Variants in MTIF2 observed in about 807,000 individuals in gnomAD.
MTIF2 encodes translation initiation factor IF-2, mitochondrial.
MTIF2 carries 71 observed loss-of-function variants against 83.5 expected under a neutral mutation model. That is an observed-to-expected ratio of 0.85 (90% CI 0.70 to 1.04). The LOEUF is 1.04. Among genes scored for constraint, MTIF2 ranks in the 50% least tolerant of loss-of-function variants. The probability of loss-of-function intolerance (pLI) is 0.00; values close to 1 mark genes in which losing one functional copy is unlikely to be tolerated. For missense variants in MTIF2, 957 were observed against 846.5 expected, an observed-to-expected ratio of 1.13 and a Z score of -1.62; for synonymous variants, 319 against 287.1, an observed-to-expected ratio of 1.11 and a Z score of -1.12.
rs1434503200 is a variant in MTIF2 at position 55,254,768 on chromosome 2, T to A, written c.389A>T (p.Asp130Val). Reference sequence around the variant, plus strand: ...GATCCAGACTTCATCTAAATGTGAGTCTGCTTCCAGTGAATCTATGTCAAT... The same window carrying A: ...GATCCAGACTTCATCTAAATGTGAGACTGCTTCCAGTGAATCTATGTCAAT... ...TDIDIDSLEA[D>V]SHLDEVWIKE... The change falls in exon 6 of 16, where the codon GAC (aspartate) becomes GTC (valine). Residue 130 changes from aspartate (D) to valine (V), a missense_variant. Asp to Val is a radical substitution (Grantham distance 152). Around this residue, in one of 3 missense-constraint regions of MTIF2, gnomAD observed 733 missense variants for 648.7 expected, o/e 1.13. Coordinates refer to ENST00000263629, the MANE Select transcript of MTIF2 (RefSeq NM_002453.3). 1 of 1,610,716 alleles carries A rather than the reference T, an allele frequency of 6.2e-7. No homozygotes were observed. The highest frequency in any genetic ancestry group is 8.5e-7 in the Non-Finnish European group (1 of 1,178,592).
intron 11 of MTIF2, 38 bp from the exon 12 acceptor site, chr2:55,243,706 C>T: frequency 6.3e-7 from 1 of 1,593,164 alleles, no homozygotes; most frequent in Non-Finnish European, 8.5e-7. Context: ...ATGAAATAGA[C>T]ATCAATAACT....
chr2:55,251,348 G>T (rs1399517839), intron 8 of MTIF2, among the ~76,000 whole-genome samples: 5 of 152,002 alleles, frequency 3.3e-5, no homozygotes, highest in African/African-American at 1.2e-4. Flanking sequence ...GAATTAAAAA[G>T]AAAAGAGAAT....
At chr2:55,267,723 C>A (rs934851860) in intron 2 of MTIF2, 88 bp from the exon 3 acceptor site, 2 of 153,032 alleles carry the variant, frequency 1.3e-5, no homozygotes, top group African/African-American at 4.8e-5. Flanking sequence ...GATGTATATA[C>A]TTTATCATCA....
At chr2:55,264,685 A>G (rs1484859570) in intron 3 of MTIF2, among the ~76,000 whole-genome samples, 1 of 152,058 alleles carries the variant, frequency 6.6e-6, no homozygotes, top group East Asian at 1.9e-4. Context: ...AACTCTTAAC[A>G]CTTTTCCATC....
intron 5 of MTIF2, among the ~76,000 whole-genome samples, 170 bp downstream of exon 5, chr2:55,262,146 A>C (rs1231871316): frequency 6.6e-6 from 1 of 152,202 alleles, no homozygotes; most frequent in Non-Finnish European, 1.5e-5. Context: ...TTTGGCAGTC[A>C]AGAAACTAAC....
chr2:55,245,762 T>A (rs936648417), intron 10 of MTIF2, among the ~76,000 whole-genome samples: 2 of 143,306 alleles, frequency 1.4e-5, no homozygotes, highest in African/African-American at 5.1e-5. Context: ...AAAAAAAAAA[T>A]AATTTCTTAT....
At chr2:55,248,990 A>G (rs1309718912) in intron 9 of MTIF2, among the ~76,000 whole-genome samples, 1 of 152,172 alleles carries the variant, frequency 6.6e-6, no homozygotes, top group East Asian at 1.9e-4. Context: ...TTTAAAAATT[A>G]GCTAGGCATG....
chr2:55,262,238 T>C (rs1678058560), intron 5 of MTIF2, 78 bp downstream of exon 5: 1 of 935,384 alleles, frequency 1.1e-6, no homozygotes, highest in East Asian at 2.4e-5. Flanking sequence ...AATCTTTCAA[T>C]GCCTTAATCT....
chr2:55,242,380 G>A (rs908151788), intron 13 of MTIF2, among the ~76,000 whole-genome samples: 1 of 152,068 alleles, frequency 6.6e-6, no homozygotes, highest in Non-Finnish European at 1.5e-5. Flanking sequence ...TTTACTAGGT[G>A]TTCGACTTTA....
At chr2:55,237,031 A>T (rs1675884533) in intron 15 of MTIF2, among the ~76,000 whole-genome samples, 2 of 152,196 alleles carry the variant, frequency 1.3e-5, no homozygotes, top group African/African-American at 4.8e-5. Context: ...AAATAACCTA[A>T]ATCTCCTATT....
intron 14 of MTIF2, 75 bp from the exon 15 acceptor site, chr2:55,237,503 G>A (rs899905504): frequency 1.3e-5 from 19 of 1,422,718 alleles, no homozygotes; most frequent in African/African-American, 1.2e-4. Context: ...ACATTCTGTG[G>A]TATAAGAATT....
At chr2:55,262,504 C>T in intron 4 of MTIF2, 77 bp from the exon 5 acceptor site, 3 of 749,790 alleles carry the variant, frequency 4.0e-6, no homozygotes, top group South Asian at 1.7e-5. Context: ...TCTCAAATAT[C>T]TACCACAATC....
At chr2:55,241,860 T>C (rs538671975) in intron 13 of MTIF2, among the ~76,000 whole-genome samples, 1 of 151,314 alleles carries the variant, frequency 6.6e-6, no homozygotes, top group African/African-American at 2.4e-5. Flanking sequence ...AAGAAGTCAT[T>C]CAATTGGCTA....
At position 55,269,170 on chromosome 2, in the gene MTIF2, T is replaced by A. The variant is rs1175654814; in HGVS notation, c.-238A>T. On this transcript the variant is annotated splice_region_variant and 5_prime_UTR_variant, in exon 1 of 16. Transcript: ENST00000263629. ...GGATCCTACCCACTTAACTCCTACC[T>A]ACAGCCCCGGGCCCCTGGATTCTGA... The A allele has an allele frequency of 6.6e-6, 1 of 152,300 alleles. No homozygotes were observed. The highest frequency in any genetic ancestry group is 1.5e-5 in the Non-Finnish European group (1 of 68,122). The allele number at this position is 152,300 out of a possible 1,614,324, so 9.4% of individuals were successfully genotyped here.
At chr2:55,248,280 T>C (rs1464050090) in intron 9 of MTIF2, among the ~76,000 whole-genome samples, 1 of 152,198 alleles carries the variant, frequency 6.6e-6, no homozygotes, top group African/African-American at 2.4e-5. Context: ...CAAAGTAAGG[T>C]AGCATTTTAT....
intron 5 of MTIF2, among the ~76,000 whole-genome samples, chr2:55,255,955 C>T (rs1191963057): frequency 6.6e-6 from 1 of 152,064 alleles, no homozygotes; most frequent in Non-Finnish European, 1.5e-5. Flanking sequence ...CGGCTAGCTG[C>T]AGCCTCTGCC....
chr2:55,249,525 A>G lies in MTIF2; in HGVS notation c.851T>C (p.Ile284Thr). 1.2e-6 allele frequency: 2 copies of G among 1,613,578 alleles called. No homozygotes were observed. The highest frequency in any genetic ancestry group is 1.7e-6 in the Non-Finnish European group (2 of 1,179,872). ...TTTGTCACATTTATTTACGGCAAGG[A>G]TAATAGGAACTGAAAGAAATGGAGT... ...QHAKDAQVPI[I>T]LAVNKCDKAE... The change falls in exon 9 of 16, where the codon ATC (isoleucine) becomes ACC (threonine). Residue 284 changes from isoleucine (I) to threonine (T), a missense_variant. Coordinates refer to ENST00000263629, the MANE Select transcript of MTIF2 (RefSeq NM_002453.3).
intron 12 of MTIF2, 58 bp downstream of exon 12, chr2:55,243,358 G>T: frequency 6.9e-7 from 1 of 1,456,372 alleles, no homozygotes. Context: ...CAAACTATGA[G>T]AATAAAAAAA....
chr2:55,260,050 T>C (rs1266318307), intron 5 of MTIF2, among the ~76,000 whole-genome samples: 1 of 152,210 alleles, frequency 6.6e-6, no homozygotes, highest in African/African-American at 2.4e-5. Context: ...TATTCATTTA[T>C]TTTCAAAGTT....
Sources: allele counts gnomAD v4.1 joint callset (sites outside exome capture counted in the v4.1 genomes callset), GRCh38; gene constraint gnomAD v4.1.1; regional missense constraint gnomAD v4.1.1; transcripts MANE v1.5; gene names NCBI Gene and HGNC (gene_info 2026-07-23, HGNC 2026-07-21).